WWOX: variants seen among roughly 807,000 people sequenced by gnomAD.
The protein encoded by WWOX is WW domain containing oxidoreductase.
A neutral mutation model predicts 46.2 loss-of-function variants in WWOX; 69 were observed. That is an observed-to-expected ratio of 1.49 (90% CI 1.23 to 1.82). The LOEUF is 1.82. WWOX is among the 40% of genes most tolerant of loss of function. The probability of loss-of-function intolerance (pLI) is 0.00; values close to 1 mark genes in which losing one functional copy is unlikely to be tolerated. For missense variants in WWOX, 919 were observed against 542.6 expected (o/e 1.69, Z -6.89); for synonymous variants, 359 against 202.6 (o/e 1.77, Z -6.56).
chr16:78,358,449 G>C (rs969563696), intron 5 of WWOX, among the ~76,000 whole-genome samples: 6 of 152,180 alleles, frequency 3.9e-5, no homozygotes, highest in Non-Finnish European at 1.5e-5. Flanking sequence ...CTTGAGGTCA[G>C]GAGTTTGAGA....
chr16:78,987,232 G>A (rs756960742), intron 8 of WWOX, among the ~76,000 whole-genome samples: 5 of 152,202 alleles, frequency 3.3e-5, no homozygotes, highest in Non-Finnish European at 7.3e-5. Context: ...TAAGTAGGCT[G>A]TGCTTATTAA....
intron 4 of WWOX, among the ~76,000 whole-genome samples, chr16:78,138,472 C>CTT (rs2033876014): frequency 6.6e-6 from 1 of 152,136 alleles, no homozygotes; most frequent in African/African-American, 2.4e-5. Flanking sequence ...TGGCACTTAT[C>CTT]TTTCAGTGGG....
At chr16:79,200,632 C>T (rs960921681) in intron 8 of WWOX, among the ~76,000 whole-genome samples, 4 of 152,218 alleles carry the variant, frequency 2.6e-5, no homozygotes, top group Admixed American at 6.5e-5. Flanking sequence ...CCACCGTCGT[C>T]GTCTTTTTTT....
At chr16:78,497,965 G>A (rs1233633877) in intron 8 of WWOX, among the ~76,000 whole-genome samples, 1 of 152,102 alleles carries the variant, frequency 6.6e-6, no homozygotes, top group Non-Finnish European at 1.5e-5. Flanking sequence ...CACTTTGGGA[G>A]GCCGAGGTGG....
intron 8 of WWOX, among the ~76,000 whole-genome samples, chr16:78,672,745 A>G (rs1567479851): frequency 6.6e-6 from 1 of 152,172 alleles, no homozygotes; most frequent in Non-Finnish European, 1.5e-5. Context: ...GCAGCCCCCC[A>G]TTTTAGGGTC....
Position 78,581,304 on chromosome 16 carries a change from A to C in WWOX, c.1056+148552A>C, listed in dbSNP as rs556615798. ...ATTGTATTCATTGGGCTGGAAGCCA[A>C]CCTTTTCTATAGCTGAGAAAATGGG... is the stretch of plus-strand genomic sequence containing the variant. On this transcript the variant is annotated intron_variant, in intron 8 of 8. Transcript: ENST00000566780. 3.0e-3 allele frequency among the ~76,000 whole-genome samples: 458 copies of C among 152,318 alleles called. 2 individuals carry two copies. The highest frequency in any genetic ancestry group is 0.011 in the African/African-American group (441 of 41,580).
At chr16:78,907,084 T>C (rs768686698) in intron 8 of WWOX, among the ~76,000 whole-genome samples, 2 of 152,060 alleles carry the variant, frequency 1.3e-5, no homozygotes, top group Non-Finnish European at 2.9e-5. Context: ...TGGAGCTTTA[T>C]TGTTACTCAA....
chr16:78,576,597 C>G (rs1246340161), intron 8 of WWOX, among the ~76,000 whole-genome samples: 5 of 152,166 alleles, frequency 3.3e-5, no homozygotes, highest in Non-Finnish European at 5.9e-5. Flanking sequence ...CATTGGATGG[C>G]CCAGGCAGGA....
At chr16:79,006,389 G>A (rs1407751344) in intron 8 of WWOX, among the ~76,000 whole-genome samples, 1 of 152,148 alleles carries the variant, frequency 6.6e-6, no homozygotes, top group African/African-American at 2.4e-5. Flanking sequence ...AGACAGGGCT[G>A]GGGAGGGGCA....
chr16:79,156,470 G>C lies in WWOX; in HGVS notation c.1057-55138G>C, dbSNP rs148184921. On this transcript the variant is annotated intron_variant, in intron 8 of 8. Coordinates refer to ENST00000566780, the MANE Select transcript of WWOX (RefSeq NM_016373.4). ...GCCACCGCTCCCAGCAACAATTGCAGTTTTTAAAGGCAGAAAATATTACAC... is the reference window on the plus strand; with the variant it reads ...GCCACCGCTCCCAGCAACAATTGCACTTTTTAAAGGCAGAAAATATTACAC... Among the ~76,000 whole-genome samples the C allele has an allele frequency of 2.2e-3, 341 of 152,312 alleles. 1 individual carries two copies. The highest frequency in any genetic ancestry group is 7.8e-3 in the African/African-American group (325 of 41,556).
chr16:79,112,399 C>G (rs747410979), intron 8 of WWOX, among the ~76,000 whole-genome samples: 1 of 152,150 alleles, frequency 6.6e-6, no homozygotes, highest in Non-Finnish European at 1.5e-5. Flanking sequence ...TTCCTTTGCT[C>G]ATACCCTGGA....
At chr16:78,370,766 T>G (rs1218395644) in intron 5 of WWOX, among the ~76,000 whole-genome samples, 2 of 121,692 alleles carry the variant, frequency 1.6e-5, no homozygotes, top group Non-Finnish European at 3.4e-5. Flanking sequence ...TTTTAAACTT[T>G]AAACTTTTTT....
intron 8 of WWOX, among the ~76,000 whole-genome samples, chr16:78,519,311 C>T (rs1024796616): frequency 1.3e-5 from 2 of 152,230 alleles, no homozygotes; most frequent in African/African-American, 4.8e-5. Flanking sequence ...TTCCTGAAGG[C>T]AGTAAGCATG....
intron 8 of WWOX, among the ~76,000 whole-genome samples, chr16:78,496,884 C>G (rs1268599845): frequency 1.3e-5 from 2 of 152,228 alleles, no homozygotes; most frequent in Non-Finnish European, 2.9e-5. Context: ...GAATGAATGA[C>G]TGTTGAAGCC....
At chr16:79,150,879 C>T (rs911923626) in intron 8 of WWOX, among the ~76,000 whole-genome samples, 2 of 152,118 alleles carry the variant, frequency 1.3e-5, no homozygotes, top group Admixed American at 1.3e-4. Context: ...AAATAAAATA[C>T]ATCCGCAGTC....
At chr16:78,121,529 A>G (rs989756501) in intron 4 of WWOX, among the ~76,000 whole-genome samples, 11 of 152,254 alleles carry the variant, frequency 7.2e-5, no homozygotes, top group Non-Finnish European at 1.5e-4. Flanking sequence ...AATTTAAAAC[A>G]TTCTAATGAG....
At chr16:78,730,256 A>G (rs1160695315) in intron 8 of WWOX, among the ~76,000 whole-genome samples, 2 of 152,066 alleles carry the variant, frequency 1.3e-5, no homozygotes, top group Non-Finnish European at 2.9e-5. Context: ...GAACGACGTT[A>G]GTACCTCAAT....
At chr16:78,516,117 C>G (rs77235668) in intron 8 of WWOX, among the ~76,000 whole-genome samples, 13 of 152,238 alleles carry the variant, frequency 8.5e-5, no homozygotes, top group Non-Finnish European at 1.6e-4. Flanking sequence ...AAAAATAGTT[C>G]TTGGCGTGCC....
At chr16:78,428,498 G>A (rs193060895) in intron 7 of WWOX, among the ~76,000 whole-genome samples, 1 of 152,308 alleles carries the variant, frequency 6.6e-6, no homozygotes, top group Non-Finnish European at 1.5e-5. Context: ...CAGAGAGAGT[G>A]CCTGATACGT....
Sources: gnomAD v4.1 joint callset for allele counts (sites outside exome capture counted in the v4.1 genomes callset) on GRCh38, gnomAD v4.1.1 for gene constraint, MANE v1.5 for transcripts, NCBI Gene and HGNC (gene_info 2026-07-23, HGNC 2026-07-21) for gene names.